The following HECTD2 variants were observed in gnomAD, a reference collection of about 807,000 sequenced individuals.
The protein encoded by HECTD2 is probable E3 ubiquitin-protein ligase HECTD2.
HECTD2 carries 35 observed loss-of-function variants against 103.2 expected under a neutral mutation model. The ratio of observed to expected loss-of-function variants is 0.34; its 90% CI spans 0.26 to 0.45. HECTD2 has a LOEUF of 0.45. Ranked by LOEUF, HECTD2 falls within the 20% of genes least tolerant of loss-of-function variation. The pLI is 1.00. For synonymous variants in HECTD2, 281 were observed against 329.9 expected (o/e 0.85, Z 1.61); for missense variants, 596 against 937.4 (o/e 0.64, Z 4.76).
intron 5 of HECTD2, 198 bp downstream of exon 5, chr10:91,462,382 C>G: frequency 5.2e-6 from 6 of 1,150,858 alleles, no homozygotes; most frequent in Non-Finnish European, 6.7e-6. Flanking sequence ...GCAGCAAATA[C>G]TTTTATATCC....
chr10:91,424,598 T>C (rs574505730), intron 1 of HECTD2, among the ~76,000 whole-genome samples: 2 of 152,252 alleles, frequency 1.3e-5, no homozygotes, highest in East Asian at 3.9e-4. Flanking sequence ...TTTTGTATAA[T>C]TACAAAATAC....
chr10:91,494,905 T>C (rs994509744), intron 14 of HECTD2, among the ~76,000 whole-genome samples: 3 of 152,026 alleles, frequency 2.0e-5, no homozygotes, highest in African/African-American at 4.8e-5. Context: ...TAAAATATTA[T>C]AGCTTAGTTA....
chr10:91,494,020 T>TAAG (rs1368196499), intron 14 of HECTD2, among the ~76,000 whole-genome samples: 3 of 152,056 alleles, frequency 2.0e-5, no homozygotes, highest in African/African-American at 7.2e-5. Context: ...AAAAATTTTA[T>TAAG]AAGTCCATCT....
Position 91,410,576 on chromosome 10 carries a change from G to C in HECTD2, c.138G>C (p.Ala46=). 7.1e-7 allele frequency: 1 copy of C among 1,410,508 alleles called. No homozygotes were observed. The highest frequency in any genetic ancestry group is 9.2e-7 in the Non-Finnish European group (1 of 1,084,336). The allele number at this position is 1,410,508 out of a possible 1,614,324, so 87.4% of individuals were successfully genotyped here. ...PIVSAGAGAT[A]GLDRGAKGQI... ...TATCGGCGGGCGCCGGCGCGACCGC[G>C]GTAGGTGGTGGGCCGGGGCCGTCTG... Residue 46 remains alanine, a splice_region_variant and synonymous_variant, in exon 1 of 21, where the codon GCG becomes GCC. Coordinates refer to ENST00000298068, the MANE Select transcript of HECTD2 (RefSeq NM_182765.6).
chr10:91,426,179 G>T (rs886124245), intron 2 of HECTD2, among the ~76,000 whole-genome samples: 2 of 151,954 alleles, frequency 1.3e-5, no homozygotes, highest in African/African-American at 4.8e-5. Flanking sequence ...TCTGTTAATG[G>T]TTTCCTCAGG....
intron 2 of HECTD2, among the ~76,000 whole-genome samples, chr10:91,449,710 A>G (rs368862088): frequency 5.1e-4 from 77 of 152,320 alleles, no homozygotes; most frequent in African/African-American, 1.6e-3. Flanking sequence ...TACAAAATCA[A>G]TGTGCAAAAA....
intron 2 of HECTD2, among the ~76,000 whole-genome samples, chr10:91,453,575 CTA>C (rs963715614): frequency 6.6e-6 from 1 of 151,972 alleles, no homozygotes; most frequent in African/African-American, 2.4e-5. Flanking sequence ...CTCAGAAACA[CTA>C]TATATAAATC....
At chr10:91,512,206 A>T in intron 20 of HECTD2, 58 bp from the exon 21 acceptor site, 1 of 1,570,028 alleles carries the variant, frequency 6.4e-7, no homozygotes, top group Non-Finnish European at 8.7e-7. Flanking sequence ...AAAGTTGCAT[A>T]GCAGTCATTT....
intron 2 of HECTD2, among the ~76,000 whole-genome samples, chr10:91,451,522 TAAAA>T (rs1002798930): frequency 2.0e-5 from 3 of 146,708 alleles, no homozygotes; most frequent in East Asian, 2.0e-4. Context: ...AGTATAATAA[TAAAA>T]AAAAAAGATA....
At chr10:91,482,625 C>T (rs540798746) in intron 7 of HECTD2, among the ~76,000 whole-genome samples, 5 of 151,952 alleles carry the variant, frequency 3.3e-5, no homozygotes, top group South Asian at 2.1e-4. Context: ...TTTTCTTTTT[C>T]GATACTCAAA....
At chr10:91,507,017 C>CA (rs1306780299) in intron 20 of HECTD2, among the ~76,000 whole-genome samples, 2 of 152,096 alleles carry the variant, frequency 1.3e-5, no homozygotes, top group African/African-American at 4.8e-5. Flanking sequence ...GAACCAAAGA[C>CA]AAAAACCACA....
Position 91,498,039 on chromosome 10 carries a change from A to T in HECTD2, c.1681-69A>T, listed in dbSNP as rs1589545147. ...TTATATACATATGCATGAGCTATAG[A>T]AAAGCCACTTCATTATCCTAGCTAA... is the stretch of plus-strand genomic sequence containing the variant. On this transcript the variant is annotated intron_variant, in intron 15 of 20. Transcript: ENST00000298068. 8 of 1,039,926 alleles carry T rather than the reference A, an allele frequency of 7.7e-6. No homozygotes were observed. In the East Asian group the frequency reaches 1.9e-4, roughly 25 times the overall value. The allele number at this position is 1,039,926 out of a possible 1,614,324, so 64.4% of individuals were successfully genotyped here. A position where few individuals can be genotyped will look rare whatever the true frequency, so the allele number is the denominator to read the frequency against.
intron 3 of HECTD2, among the ~76,000 whole-genome samples, chr10:91,460,913 C>A (rs886992404): frequency 2.0e-5 from 3 of 151,836 alleles, no homozygotes; most frequent in African/African-American, 7.3e-5. Context: ...TGTAACCATT[C>A]AAAAAATCCA....
chr10:91,495,039 T>C (rs1846615759), intron 14 of HECTD2, among the ~76,000 whole-genome samples: 1 of 152,008 alleles, frequency 6.6e-6, no homozygotes, highest in Non-Finnish European at 1.5e-5. Flanking sequence ...TATTCTATAT[T>C]TCAAGTTAAA....
At chr10:91,494,721 T>C (rs1846603312) in intron 14 of HECTD2, among the ~76,000 whole-genome samples, 1 of 152,070 alleles carries the variant, frequency 6.6e-6, no homozygotes, top group African/African-American at 2.4e-5. Context: ...GTTTATATTC[T>C]AGTATCTGCA....
At chr10:91,497,157 G>A (rs1288598795) in intron 15 of HECTD2, among the ~76,000 whole-genome samples, 2 of 106,798 alleles carry the variant, frequency 1.9e-5, no homozygotes, top group Non-Finnish European at 3.7e-5. Flanking sequence ...TTTTTTTTTA[G>A]CAGAGACGGG....
Position 91,513,368 on chromosome 10 carries a change from G to T in HECTD2, c.*984G>T, listed in dbSNP as rs1484911563. ...AAACACTAATTTTTGAAAAAGATAGGTTAAAGTATTTGACAAAAGTGAATA... is the reference window on the plus strand; with the variant it reads ...AAACACTAATTTTTGAAAAAGATAGTTTAAAGTATTTGACAAAAGTGAATA... On this transcript the variant is annotated 3_prime_UTR_variant, in exon 21 of 21. Transcript: ENST00000298068. 1.3e-5 allele frequency: 2 copies of T among 152,662 alleles called. No homozygotes were observed. The highest frequency in any genetic ancestry group is 3.9e-4 in the East Asian group (2 of 5,188). The allele number at this position is 152,662 out of a possible 1,614,324, so 9.5% of individuals were successfully genotyped here. A position where few individuals can be genotyped will look rare whatever the true frequency, so the allele number is the denominator to read the frequency against.
chr10:91,492,449 T>C lies in HECTD2; in HGVS notation c.1397T>C (p.Leu466Pro). The change falls in exon 13 of 21, where the codon CTT (leucine) becomes CCT (proline). Residue 466 changes from leucine to proline, a missense_variant. Coordinates refer to ENST00000298068, the MANE Select transcript of HECTD2 (RefSeq NM_182765.6). ...DMGGLTKEWF[L>P]LLIRQIFHPD... is the part of the protein sequence containing the mutation. Reference sequence around the variant, plus strand: ...GGTGGTTTGACTAAAGAATGGTTCCTTCTTCTAATTCGCCAAATTTTTCAT... The same window carrying C: ...GGTGGTTTGACTAAAGAATGGTTCCCTCTTCTAATTCGCCAAATTTTTCAT... The C allele has an allele frequency of 6.2e-7, 1 of 1,612,636 alleles. No individual in the cohort carries two copies. Among genetic ancestry groups the C allele is most frequent in the Non-Finnish European group, 8.5e-7 (1 of 1,178,842 alleles).
chr10:91,512,474 A>C lies in HECTD2; in HGVS notation c.*90A>C. On this transcript the variant is annotated 3_prime_UTR_variant, in exon 21 of 21. Transcript: ENST00000298068. ...CCTTTTCATGTTTCTGTCTCAAAAC[A>C]CTTTGACAAAGCTCACCAACTTTAA... 1 of 1,184,636 alleles carries C rather than the reference A, an allele frequency of 8.4e-7. No homozygotes were observed. The highest frequency in any genetic ancestry group is 1.7e-5 in the South Asian group (1 of 57,458). 73.4% of individuals were successfully genotyped at this position (1,184,636 alleles called of 1,614,324 possible).
Sources: allele counts gnomAD v4.1 joint callset (sites outside exome capture counted in the v4.1 genomes callset), GRCh38; gene constraint gnomAD v4.1.1; transcripts MANE v1.5; gene names NCBI Gene and HGNC (gene_info 2026-07-23, HGNC 2026-07-21).